Variants in SHISA9 observed in about 807,000 individuals in gnomAD.
SHISA9 encodes the protein protein shisa-9.
Under a neutral mutation model 38.0 loss-of-function variants are expected in SHISA9, and 13 were observed. That is an observed-to-expected ratio of 0.34 (90% CI 0.22 to 0.54). The LOEUF (loss-of-function observed/expected upper bound fraction) is 0.54. SHISA9 is among the 20% of genes least tolerant of loss of function. The pLI is 0.91. For missense variants in SHISA9, 538 were observed against 575.8 expected (o/e 0.93, Z 0.67); for synonymous variants, 275 against 242.0 (o/e 1.14, Z -1.27).
At chr16:13,233,345 GGA>G (rs2051350479) in intron 4 of SHISA9, among the ~76,000 whole-genome samples, 1 of 152,108 alleles carries the variant, frequency 6.6e-6, no homozygotes, top group Non-Finnish European at 1.5e-5. Flanking sequence ...CTTCAATGCT[GGA>G]GAGAGTGTAG....
intron 2 of SHISA9, among the ~76,000 whole-genome samples, chr16:12,941,036 G>T (rs1461321488): frequency 1.3e-5 from 2 of 152,156 alleles, no homozygotes; most frequent in African/African-American, 4.8e-5. Flanking sequence ...CACACAGTTG[G>T]AATGTACCTT....
At chr16:13,410,494 A>G in the SHISA9 span, among the ~76,000 whole-genome samples, 1 of 152,222 alleles carries the variant, frequency 6.6e-6, no homozygotes, top group Admixed American at 6.5e-5. Flanking sequence ...ACCTTTGGAA[A>G]CAAAGATGTC....
chr16:13,091,926 C>A (rs546046747), intron 2 of SHISA9, among the ~76,000 whole-genome samples: 1 of 152,202 alleles, frequency 6.6e-6, no homozygotes, highest in Non-Finnish European at 1.5e-5. Flanking sequence ...GGTTTCTCCC[C>A]ATCTATGTGG....
At chr16:13,518,970 C>A in the SHISA9 span, among the ~76,000 whole-genome samples, 2 of 152,140 alleles carry the variant, frequency 1.3e-5, no homozygotes, top group Admixed American at 6.5e-5. Context: ...TTCATGAGAG[C>A]AGAGCACTCA....
chr16:12,929,994 G>A (rs1369513454), intron 2 of SHISA9, among the ~76,000 whole-genome samples: 1 of 152,228 alleles, frequency 6.6e-6, no homozygotes, highest in South Asian at 2.1e-4. Flanking sequence ...CCCAGCCCAT[G>A]TAAAGATCTC....
chr16:13,132,271 C>A (rs982553359), intron 2 of SHISA9, among the ~76,000 whole-genome samples: 1 of 151,992 alleles, frequency 6.6e-6, no homozygotes, highest in African/African-American at 2.4e-5. Context: ...AGAAGACTGT[C>A]GGATGAGAAT....
At chr16:12,962,624 A>G (rs1405462566) in intron 2 of SHISA9, among the ~76,000 whole-genome samples, 2 of 152,174 alleles carry the variant, frequency 1.3e-5, no homozygotes, top group East Asian at 3.9e-4. Context: ...CATCTGCAAA[A>G]CAGGAGGGGA....
chr16:13,179,801 C>T (rs192133650), intron 2 of SHISA9, among the ~76,000 whole-genome samples: 2 of 152,296 alleles, frequency 1.3e-5, no homozygotes, highest in African/African-American at 4.8e-5. Context: ...AGATCAGAAT[C>T]CAAAGAGGAA....
At chr16:13,515,516 A>C in the SHISA9 span, among the ~76,000 whole-genome samples, 1 of 152,136 alleles carries the variant, frequency 6.6e-6, no homozygotes, top group Non-Finnish European at 1.5e-5. Flanking sequence ...AGCTAAGAAA[A>C]CTAAGACTCA....
At chr16:13,334,341 TGAG>T in the SHISA9 span, among the ~76,000 whole-genome samples, 1 of 152,220 alleles carries the variant, frequency 6.6e-6, no homozygotes, top group African/African-American at 2.4e-5. Context: ...TGGCTGACTA[TGAG>T]AAGAAACAGC....
At chr16:13,502,988 A>G in the SHISA9 span, among the ~76,000 whole-genome samples, 97 of 152,244 alleles carry the variant, frequency 6.4e-4, no homozygotes, top group Non-Finnish European at 1.2e-3. Flanking sequence ...GTAATAAAAC[A>G]ATCAGAATAT....
At chr16:12,912,158 T>A (rs1006255176) in intron 1 of SHISA9, among the ~76,000 whole-genome samples, 3 of 151,524 alleles carry the variant, frequency 2.0e-5, no homozygotes, top group Non-Finnish European at 4.4e-5. Context: ...TCCTTCCCCA[T>A]ACCAAATCGG....
the SHISA9 span, among the ~76,000 whole-genome samples, chr16:13,459,272 G>C: frequency 6.6e-6 from 1 of 152,122 alleles, no homozygotes; most frequent in African/African-American, 2.4e-5. Context: ...CCTTGACTTA[G>C]TGACAGAGGA....
At chr16:13,470,100 C>T in the SHISA9 span, among the ~76,000 whole-genome samples, 1 of 152,058 alleles carries the variant, frequency 6.6e-6, no homozygotes, top group African/African-American at 2.4e-5. Flanking sequence ...CTCTTCTACA[C>T]CTTTAAAGTT....
At chr16:13,059,832 T>C (rs1322986784) in intron 2 of SHISA9, among the ~76,000 whole-genome samples, 1 of 152,014 alleles carries the variant, frequency 6.6e-6, no homozygotes, top group Non-Finnish European at 1.5e-5. Context: ...GGAAAGGTGA[T>C]GTGAAGAGAC....
At chr16:13,080,747 G>A (rs1460535633) in intron 2 of SHISA9, among the ~76,000 whole-genome samples, 2 of 152,228 alleles carry the variant, frequency 1.3e-5, no homozygotes, top group African/African-American at 4.8e-5. Flanking sequence ...ACATAAAATA[G>A]CCATGCTGTG....
At chr16:13,193,851 AG>A (rs375081073) in intron 2 of SHISA9, among the ~76,000 whole-genome samples, 92 of 152,278 alleles carry the variant, frequency 6.0e-4, no homozygotes, top group African/African-American at 2.1e-3. Context: ...AGTGCCAACC[AG>A]GCAACCTTTT....
At chr16:13,128,011 G>T (rs899500439) in intron 2 of SHISA9, among the ~76,000 whole-genome samples, 3 of 152,200 alleles carry the variant, frequency 2.0e-5, no homozygotes, top group Admixed American at 6.5e-5. Context: ...CTGTGAACGG[G>T]ACCTTTCCTG....
the SHISA9 span, among the ~76,000 whole-genome samples, chr16:13,460,797 T>C: frequency 2.0e-5 from 3 of 152,318 alleles, no homozygotes; most frequent in East Asian, 1.9e-4. Context: ...CGACTACAGC[T>C]GGTCTGGATT....
Sources: allele counts gnomAD v4.1 joint callset (sites outside exome capture counted in the v4.1 genomes callset), GRCh38; gene constraint gnomAD v4.1.1; transcripts MANE v1.5; gene names NCBI Gene and HGNC (gene_info 2026-07-23, HGNC 2026-07-21).